The following ORMDL3 variants were observed in gnomAD, a reference collection of about 807,000 sequenced individuals.
ORMDL3 encodes ORMDL sphingolipid biosynthesis regulator 3.
A neutral mutation model predicts 12.6 loss-of-function variants in ORMDL3; 6 were observed. The observed-to-expected ratio is 0.48, with a 90% CI of 0.26 to 0.94. ORMDL3 has a LOEUF of 0.94. Ranked by LOEUF, ORMDL3 falls within the 40% of genes least tolerant of loss-of-function variation. ORMDL3 has a pLI of 0.14. For synonymous variants in ORMDL3, 99 were observed against 87.2 expected (o/e 1.14, Z -0.75); for missense variants, 159 against 205.5 (o/e 0.77, Z 1.38).
At chr17:39,926,030 A>G (rs1978395737) in intron 1 of ORMDL3, 1 of 151,890 alleles carries the variant, frequency 6.6e-6, no homozygotes, top group South Asian at 2.1e-4. Context: ...ACTCTGACTA[A>G]GGAGAGGGAA....
Position 39,922,560 on chromosome 17 carries a change from T to C in ORMDL3, c.452A>G (p.Asn151Ser), listed in dbSNP as rs1397534813. 3.1e-6 allele frequency: 5 copies of C among 1,613,990 alleles called. No homozygotes were observed. Among genetic ancestry groups the C allele is most frequent in the Admixed American group, 3.3e-5 (2 of 60,000 alleles). ...GAAGGGGCTGCACTCTCAGTACTTA[T>C]TGATTCCAAAAATCCGGACTCCGTG... The part of the protein sequence containing the change: ...QLHGVRIFGI[N>S]KY Residue 151 changes from asparagine to serine, a missense_variant, in exon 4 of 4, where the codon AAT becomes AGT. Asn to Ser is a conservative substitution (Grantham distance 46). Transcript: ENST00000304046.
Position 39,927,532 on chromosome 17 carries a change from G to A in ORMDL3, c.-71C>T, listed in dbSNP as rs890853615. On this transcript the variant is annotated 5_prime_UTR_variant, in exon 1 of 4. Coordinates refer to ENST00000304046, the MANE Select transcript of ORMDL3 (RefSeq NM_139280.4). ...CCCGGGAACGGTTCCCGGGAGCGGGGGCCGCTGCTGCTCCAGCAGCTGTAA... is the reference window on the plus strand; with the variant it reads ...CCCGGGAACGGTTCCCGGGAGCGGGAGCCGCTGCTGCTCCAGCAGCTGTAA... 2 of 985,352 alleles carry A rather than the reference G, an allele frequency of 2.0e-6. No individual in the cohort carries two copies. Among genetic ancestry groups the A allele is most frequent in the African/African-American group, 1.7e-5 (1 of 57,236 alleles). The allele number at this position is 985,352 out of a possible 1,614,324, so 61.0% of individuals were successfully genotyped here.
At chr17:39,924,524 A>G (rs1387514618) in intron 1 of ORMDL3, among the ~76,000 whole-genome samples, 2 of 152,160 alleles carry the variant, frequency 1.3e-5, no homozygotes, top group Admixed American at 1.3e-4. Context: ...AGAGAAGTCA[A>G]GGCCCATCCC....
In ORMDL3 at chr17:39,921,486, G is replaced by A. The variant is rs1173433996; in HGVS notation, c.*1064C>T. On this transcript the variant is annotated 3_prime_UTR_variant, in exon 4 of 4. Coordinates refer to ENST00000304046, the MANE Select transcript of ORMDL3 (RefSeq NM_139280.4). Reference sequence around the variant, plus strand: ...GCTGCCACATGAGAGGCCCTGCCCAGTGCCAGTCTGTATGAGGAAGTTAAG... The same window carrying A: ...GCTGCCACATGAGAGGCCCTGCCCAATGCCAGTCTGTATGAGGAAGTTAAG... 2 of 152,424 alleles carry A rather than the reference G, an allele frequency of 1.3e-5. No homozygotes were observed. Among genetic ancestry groups the A allele is most frequent in the African/African-American group, 4.8e-5 (2 of 41,436 alleles). The allele number at this position is 152,424 out of a possible 1,614,324, so 9.4% of individuals were successfully genotyped here.
chr17:39,926,979 G>C (rs1978465460), intron 1 of ORMDL3: 6 of 985,672 alleles, frequency 6.1e-6, no homozygotes, highest in Non-Finnish European at 7.2e-6. Context: ...CACCCCGACT[G>C]GGGGAGGGCG....
At chr17:39,926,999 G>A in intron 1 of ORMDL3, 1 of 985,706 alleles carries the variant, frequency 1.0e-6, no homozygotes, top group Non-Finnish European at 1.2e-6. Context: ...GGTAGGAGCG[G>A]AAAGCGAGTG....
At chr17:39,923,030 G>A (rs779898009) in intron 3 of ORMDL3, 82 bp downstream of exon 3, 195 of 1,547,012 alleles carry the variant, frequency 1.3e-4, no homozygotes, top group Non-Finnish European at 1.7e-4. Flanking sequence ...AGCCACGGCA[G>A]GGTTAATAAG....
intron 2 of ORMDL3, among the ~76,000 whole-genome samples, chr17:39,923,711 C>T (rs1030729637): frequency 6.6e-6 from 1 of 152,160 alleles, no homozygotes; most frequent in African/African-American, 2.4e-5. Context: ...GGCACCAGGA[C>T]TCTCGGGTCC....
At chr17:39,922,743 C>T in intron 3 of ORMDL3, 58 bp from the exon 4 acceptor site, 4 of 1,572,752 alleles carry the variant, frequency 2.5e-6, no homozygotes, top group Non-Finnish European at 2.6e-6. Context: ...CCCTTCCTCC[C>T]TCACTTCCTG....
intron 1 of ORMDL3, chr17:39,925,908 G>A (rs1317076390): frequency 6.6e-6 from 1 of 152,178 alleles, no homozygotes; most frequent in Non-Finnish European, 1.5e-5. Flanking sequence ...TCTTCCCAGG[G>A]CCTTGGGGCT....
At position 39,922,600 on chromosome 17, in the gene ORMDL3, T is replaced by TG; in HGVS notation, c.411dup (p.Lys138GlnfsTer15). 1 of 1,614,052 alleles carries TG rather than the reference T, an allele frequency of 6.2e-7. No homozygotes were observed. Among genetic ancestry groups the TG allele is most frequent in the Non-Finnish European group, 8.5e-7 (1 of 1,179,990 alleles). On this transcript the variant is annotated frameshift_variant, in exon 4 of 4. Coordinates refer to ENST00000304046, the MANE Select transcript of ORMDL3 (RefSeq NM_139280.4). LOFTEE classifies it high-confidence loss of function. The stretch of plus-strand genomic sequence containing the variant: ...CGGACTCCGTGGAGCTGGGGCAGCT[T>TG]GGGGATAAGCACGCTCATCAGGGAC...
At chr17:39,923,844 G>A (rs1345878811) in intron 2 of ORMDL3, among the ~76,000 whole-genome samples, 186 bp downstream of exon 2, 1 of 152,100 alleles carries the variant, frequency 6.6e-6, no homozygotes, top group Non-Finnish European at 1.5e-5. Flanking sequence ...CACAGGGCAG[G>A]AACCCAGAAG....
chr17:39,922,175 A>C lies in ORMDL3; in HGVS notation c.*375T>G, dbSNP rs1468131979. On this transcript the variant is annotated 3_prime_UTR_variant, in exon 4 of 4. Transcript: ENST00000304046. ...CCTCTGCTCCCTATGCAGGGGTTAA[A>C]GTGCTTTGGCTGCCTGAGGGCAAAC... is the stretch of plus-strand genomic sequence containing the variant. 5.6e-6 allele frequency: 1 copy of C among 178,208 alleles called. No homozygotes were observed. The highest frequency in any genetic ancestry group is 1.2e-5 in the Non-Finnish European group (1 of 84,452). The allele number at this position is 178,208 out of a possible 1,614,324, so 11.0% of individuals were successfully genotyped here.
chr17:39,923,001 T>A, intron 3 of ORMDL3, 111 bp downstream of exon 3: 1 of 1,396,626 alleles, frequency 7.2e-7, no homozygotes, highest in East Asian at 2.3e-5. Flanking sequence ...CAACTTCCTC[T>A]GTTCATCCCT....
chr17:39,922,761 A>T, intron 3 of ORMDL3, 76 bp from the exon 4 acceptor site: 1 of 1,507,140 alleles, frequency 6.6e-7, no homozygotes, highest in East Asian at 2.3e-5. Context: ...CTGGGAGGGG[A>T]AAGGCAGAAT....
chr17:39,923,396 G>GGGCA (rs1978312940), intron 2 of ORMDL3, 133 bp from the exon 3 acceptor site: 1 of 1,031,302 alleles, frequency 9.7e-7, no homozygotes. Context: ...GATATGGGCT[G>GGGCA]GAGGTCAGGA....
chr17:39,922,731 A>G (rs1389285816), intron 3 of ORMDL3, 46 bp from the exon 4 acceptor site: 1 of 1,589,784 alleles, frequency 6.3e-7, no homozygotes, highest in Admixed American at 1.7e-5. Context: ...TGTTGGGAGG[A>G]CCCCTTCCTC....
In ORMDL3 at chr17:39,922,709, G is replaced by A. The variant is rs754777640; in HGVS notation, c.327-24C>T. On this transcript the variant is annotated intron_variant, in intron 3 of 3. Transcript: ENST00000304046. ...ACCTGGGAGGGGAAGGGTGGGGAGA[G>A]ATATAAAAGACTGTTGGGAGGACCC... 17 of 1,609,458 alleles carry A rather than the reference G, an allele frequency of 1.1e-5. No homozygotes were observed. In the Admixed American group the frequency reaches 1.9e-4, roughly 18 times the overall value.
intron 1 of ORMDL3, 99 bp downstream of exon 1, chr17:39,927,385 G>A: frequency 1.1e-6 from 1 of 905,568 alleles, no homozygotes; most frequent in Non-Finnish European, 1.3e-6. Context: ...CACTCCCTCT[G>A]CCCCCGTCTC....
Sources: gnomAD v4.1 joint callset for allele counts (sites outside exome capture counted in the v4.1 genomes callset) on GRCh38, gnomAD v4.1.1 for gene constraint, MANE v1.5 for transcripts, NCBI Gene and HGNC (gene_info 2026-07-23, HGNC 2026-07-21) for gene names.